CSMD1: variants seen among roughly 807,000 people sequenced by gnomAD.
CSMD1 encodes the protein CUB and Sushi multiple domains 1.
A neutral mutation model predicts 417.5 loss-of-function variants in CSMD1; 213 were observed. That is an observed-to-expected ratio of 0.51 (90% CI 0.46 to 0.57). The LOEUF is 0.57. CSMD1 is among the 20% of genes least tolerant of loss of function. The probability of loss-of-function intolerance (pLI) is 0.00; values close to 1 mark genes in which losing one functional copy is unlikely to be tolerated. For missense variants in CSMD1, 6,923 were observed against 4,529.7 expected (o/e 1.53, Z -15.17); for synonymous variants, 2,862 against 1,736.8 (o/e 1.65, Z -16.11).
rs562281552 is a variant in CSMD1 at position 4,904,878 on chromosome 8, CATTT to C, written c.85+89450_85+89453del. Among the ~76,000 whole-genome samples, 11 of 152,246 alleles carry C rather than the reference CATTT, an allele frequency of 7.2e-5. No homozygotes were observed. The South Asian group carries it at 2.3e-3, about 32-fold the overall frequency. On this transcript the variant is annotated intron_variant, in intron 1 of 69. Coordinates refer to ENST00000635120, the MANE Select transcript of CSMD1 (RefSeq NM_033225.6). ...AATTACTACCTTTCGGGACTGTATTCATTTATTTTCCAATGAAAAAGAGCCTGCA... is the reference window on the plus strand; with the variant it reads ...AATTACTACCTTTCGGGACTGTATTCATTTTCCAATGAAAAAGAGCCTGCA...
intron 5 of CSMD1, among the ~76,000 whole-genome samples, chr8:3,889,743 T>C (rs538501279): frequency 5.9e-5 from 9 of 151,930 alleles, no homozygotes; most frequent in Non-Finnish European, 1.2e-4. Flanking sequence ...ACTTATTATG[T>C]ATAGTATCAC....
chr8:4,352,874 T>A (rs998330300), intron 3 of CSMD1, among the ~76,000 whole-genome samples: 7 of 152,160 alleles, frequency 4.6e-5, no homozygotes, highest in African/African-American at 1.7e-4. Flanking sequence ...GTATTGATCG[T>A]CAGCCATAAT....
chr8:3,164,193 T>C (rs969114072), intron 37 of CSMD1, among the ~76,000 whole-genome samples: 2 of 152,194 alleles, frequency 1.3e-5, no homozygotes, highest in Admixed American at 1.3e-4. Flanking sequence ...CAGGTCAGAA[T>C]GGAAAGCAGT....
At chr8:4,295,505 AC>A (rs1797627153) in intron 3 of CSMD1, among the ~76,000 whole-genome samples, 1 of 143,922 alleles carries the variant, frequency 6.9e-6, no homozygotes, top group Non-Finnish European at 1.5e-5. Context: ...TATATCTTAT[AC>A]ACATATAATC....
intron 3 of CSMD1, among the ~76,000 whole-genome samples, chr8:4,141,876 T>C (rs1181279040): frequency 1.3e-5 from 2 of 151,050 alleles, no homozygotes; most frequent in Admixed American, 6.6e-5. Context: ...AGAGTACCAA[T>C]CCTACAAGGA....
intron 1 of CSMD1, among the ~76,000 whole-genome samples, chr8:4,642,915 G>C (rs930343928): frequency 1.3e-5 from 2 of 152,196 alleles, no homozygotes; most frequent in Non-Finnish European, 2.9e-5. Flanking sequence ...CAGCCATGCA[G>C]GGAAATGATA....
At chr8:4,078,896 AAT>A (rs1173719388) in intron 3 of CSMD1, among the ~76,000 whole-genome samples, 1,340 of 42,864 alleles carry the variant, frequency 0.031, 6 homozygotes, top group African/African-American at 0.039. Context: ...AATAATAATA[AAT>A]ATATATATAT....
chr8:4,942,896 A>C (rs941734746), intron 1 of CSMD1, among the ~76,000 whole-genome samples: 9 of 152,238 alleles, frequency 5.9e-5, no homozygotes, highest in African/African-American at 1.9e-4. Context: ...TTTTGGAAAG[A>C]TATAAACATT....
chr8:4,085,260 C>A (rs937966105), intron 3 of CSMD1, among the ~76,000 whole-genome samples: 7 of 151,924 alleles, frequency 4.6e-5, no homozygotes, highest in Admixed American at 3.9e-4. Flanking sequence ...GCTTCTTCCC[C>A]AAAAATCTGT....
chr8:4,575,646 C>A (rs1366936792), intron 2 of CSMD1, among the ~76,000 whole-genome samples: 1 of 152,092 alleles, frequency 6.6e-6, no homozygotes, highest in African/African-American at 2.4e-5. Flanking sequence ...GTTCCCCTTG[C>A]CTATACAAAG....
chr8:4,739,600 C>T (rs553361597), intron 1 of CSMD1, among the ~76,000 whole-genome samples: 25 of 152,220 alleles, frequency 1.6e-4, no homozygotes, highest in Admixed American at 5.9e-4. Flanking sequence ...CCTTTGGGTC[C>T]GAGAAACCCA....
intron 3 of CSMD1, among the ~76,000 whole-genome samples, chr8:4,278,254 A>C (rs998458011): frequency 6.6e-6 from 1 of 152,178 alleles, no homozygotes; most frequent in African/African-American, 2.4e-5. Context: ...ATTAAAATTC[A>C]GTTTAATTTT....
chr8:4,444,257 G>A (rs80147337), intron 2 of CSMD1, among the ~76,000 whole-genome samples: 20 of 144,536 alleles, frequency 1.4e-4, no homozygotes, highest in African/African-American at 4.8e-4. Flanking sequence ...CAGGAGAATT[G>A]CTTGAACCTG....
At chr8:3,746,924 G>C (rs547395505) in intron 6 of CSMD1, among the ~76,000 whole-genome samples, 12 of 152,346 alleles carry the variant, frequency 7.9e-5, no homozygotes, top group African/African-American at 2.9e-4. Context: ...ACACTGGCCT[G>C]TCAGCTTTCT....
intron 40 of CSMD1, among the ~76,000 whole-genome samples, chr8:3,144,902 G>A (rs1174869847): frequency 3.3e-5 from 5 of 151,804 alleles, no homozygotes; most frequent in South Asian, 2.1e-4. Flanking sequence ...TGACAGCTGC[G>A]CTCCTGGACT....
chr8:4,938,511 C>T (rs905469316), intron 1 of CSMD1, among the ~76,000 whole-genome samples: 3 of 152,182 alleles, frequency 2.0e-5, no homozygotes, highest in Non-Finnish European at 4.4e-5. Context: ...GTATAGACAC[C>T]TGGTGACTAC....
At chr8:4,116,784 G>C (rs189506736) in intron 3 of CSMD1, among the ~76,000 whole-genome samples, 61 of 151,776 alleles carry the variant, frequency 4.0e-4, no homozygotes, top group Middle Eastern at 3.4e-3. Flanking sequence ...TAGTCTGTTC[G>C]GTTTTGCTGT....
chr8:4,951,541 G>T (rs1188992056), intron 1 of CSMD1, among the ~76,000 whole-genome samples: 3 of 140,900 alleles, frequency 2.1e-5, no homozygotes, highest in South Asian at 4.5e-4. Flanking sequence ...GAAAAGAAAA[G>T]AAAAGAAAAA....
intron 3 of CSMD1, among the ~76,000 whole-genome samples, chr8:4,118,032 C>T (rs1438804180): frequency 6.6e-6 from 1 of 151,282 alleles, no homozygotes; most frequent in Non-Finnish European, 1.5e-5. Context: ...TTTCTCAAGC[C>T]TCTTAGTCAT....
Sources: allele counts gnomAD v4.1 joint callset (sites outside exome capture counted in the v4.1 genomes callset), GRCh38; gene constraint gnomAD v4.1.1; transcripts MANE v1.5; gene names NCBI Gene and HGNC (gene_info 2026-07-23, HGNC 2026-07-21).